Variants in TMCC1 observed in about 807,000 individuals in gnomAD.
The protein encoded by TMCC1 is transmembrane and coiled-coil domain family 1, also known as transmembrane and coiled-coil domains protein 1.
TMCC1 carries 15 observed loss-of-function variants against 52.4 expected under a neutral mutation model. The observed-to-expected ratio is 0.29, with a 90% confidence interval of 0.19 to 0.44. The LOEUF is 0.44. Among genes scored for constraint, TMCC1 ranks in the 20% least tolerant of loss-of-function variants. TMCC1 has a pLI of 1.00. For missense variants in TMCC1, 503 were observed against 806.0 expected, an observed-to-expected ratio of 0.62 and a Z score of 4.55; for synonymous variants, 279 against 301.9, an observed-to-expected ratio of 0.92 and a Z score of 0.79.
chr3:129,681,448 C>T (rs566573931), intron 4 of TMCC1, among the ~76,000 whole-genome samples: 167 of 150,702 alleles, frequency 1.1e-3, no homozygotes, highest in Non-Finnish European at 2.1e-3. Context: ...AAGTAGTCAA[C>T]GTTTTTTTTT....
In TMCC1 at chr3:129,660,432, C is replaced by T. The variant is rs776807692; in HGVS notation, c.1512-5329G>A. ...CCTCCCAAAGTGCTGGGATTACAGGCATGAGCCACTGTCCATGGCCTTAAG... is the reference window on the plus strand; with the variant it reads ...CCTCCCAAAGTGCTGGGATTACAGGTATGAGCCACTGTCCATGGCCTTAAG... On this transcript the variant is annotated intron_variant, in intron 5 of 6. Coordinates refer to ENST00000393238, the MANE Select transcript of TMCC1 (RefSeq NM_001017395.5). Among the ~76,000 whole-genome samples the T allele has an allele frequency of 2.6e-5, 4 of 152,320 alleles. No individual in the cohort carries two copies. The South Asian group carries it at 6.2e-4, about 24-fold the overall frequency.
In TMCC1 at chr3:129,766,578, T is replaced by A. The variant is rs920799544; in HGVS notation, c.576+61225A>T. 6.6e-5 allele frequency among the ~76,000 whole-genome samples: 10 copies of A among 152,340 alleles called. 1 individual carries two copies. In the East Asian group the frequency reaches 1.5e-3, roughly 24 times the overall value. On this transcript the variant is annotated intron_variant, in intron 4 of 6. Coordinates refer to ENST00000393238, the MANE Select transcript of TMCC1 (RefSeq NM_001017395.5). ...AAATCAAATGGTTATTTAGATTGTA[T>A]GACAATGCTCACTATTTAAACAAAT...
At chr3:129,764,218 A>G (rs1317823640) in intron 4 of TMCC1, among the ~76,000 whole-genome samples, 2 of 152,232 alleles carry the variant, frequency 1.3e-5, no homozygotes, top group African/African-American at 2.4e-5. Context: ...CATACATAGA[A>G]GGACAGCAGC....
At chr3:129,727,019 TTTCTG>T (rs1429948465) in intron 4 of TMCC1, among the ~76,000 whole-genome samples, 1 of 151,952 alleles carries the variant, frequency 6.6e-6, no homozygotes, top group African/African-American at 2.4e-5. Flanking sequence ...TGATTCTCCA[TTTCTG>T]TTCTTTCTAC....
At chr3:129,830,734 G>A (rs1446701316) in intron 3 of TMCC1, among the ~76,000 whole-genome samples, 1 of 152,162 alleles carries the variant, frequency 6.6e-6, no homozygotes, top group Non-Finnish European at 1.5e-5. Context: ...TGATGTCAAG[G>A]TTAGCTGAGG....
intron 4 of TMCC1, among the ~76,000 whole-genome samples, chr3:129,810,722 T>C (rs1291127210): frequency 6.6e-6 from 1 of 152,242 alleles, no homozygotes; most frequent in Non-Finnish European, 1.5e-5. Context: ...GAAGGAAGCT[T>C]ATCAAAGCAA....
chr3:129,844,916 A>AT (rs1405803416), intron 2 of TMCC1, among the ~76,000 whole-genome samples: 1 of 152,216 alleles, frequency 6.6e-6, no homozygotes, highest in East Asian at 1.9e-4. Context: ...AAGGATGTCT[A>AT]TAAGGGTCAG....
intron 2 of TMCC1, among the ~76,000 whole-genome samples, chr3:129,851,870 C>T (rs1206704762): frequency 1.3e-5 from 2 of 152,166 alleles, no homozygotes; most frequent in Non-Finnish European, 2.9e-5. Flanking sequence ...AAAAAAATTG[C>T]CAGGCGTGGT....
intron 5 of TMCC1, among the ~76,000 whole-genome samples, chr3:129,665,597 AC>A (rs2087386981): frequency 6.6e-6 from 1 of 152,228 alleles, no homozygotes. Context: ...GTAAACATTT[AC>A]TTCAACTTGG....
chr3:129,828,234 C>A lies in TMCC1; in HGVS notation c.145G>T (p.Gly49Cys). ...HNALENINVIGQGLKHLFQHQ... is the reference protein window; with the variant it reads ...HNALENINVICQGLKHLFQHQ... ...TGGAAGAGATGCTTCAAGCCTTGGCCAATCACGTTAATGTTCTCCAAAGCA... is the reference window on the plus strand; with the variant it reads ...TGGAAGAGATGCTTCAAGCCTTGGCAAATCACGTTAATGTTCTCCAAAGCA... The change falls in exon 4 of 7, where the codon GGC becomes TGC. Residue 49 changes from glycine (G) to cysteine (C), a missense_variant. Gly to Cys is a radical substitution (Grantham distance 159, BLOSUM62 -3). Around this residue, in one of 7 missense-constraint regions of TMCC1, gnomAD observed 217 missense variants for 297.9 expected, o/e 0.73. Coordinates refer to ENST00000393238, the MANE Select transcript of TMCC1 (RefSeq NM_001017395.5). The surrounding 1 kb of genome is among the most constrained non-coding windows in gnomAD (Gnocchi z 4.1). The A allele has an allele frequency of 6.2e-7, 1 of 1,614,152 alleles. No individual in the cohort carries two copies. Among genetic ancestry groups the A allele is most frequent in the Non-Finnish European group, 8.5e-7 (1 of 1,180,022 alleles).
intron 4 of TMCC1, among the ~76,000 whole-genome samples, chr3:129,781,818 C>T (rs755995448): frequency 7.2e-5 from 11 of 151,904 alleles, no homozygotes; most frequent in Non-Finnish European, 7.4e-5. Flanking sequence ...TAAGCAAGAA[C>T]GGATGCTGGG....
At chr3:129,754,092 G>A (rs907914395) in intron 4 of TMCC1, among the ~76,000 whole-genome samples, 1 of 152,138 alleles carries the variant, frequency 6.6e-6, no homozygotes, top group African/African-American at 2.4e-5. Flanking sequence ...CCAGCAATGA[G>A]CAACTGAAAT....
intron 4 of TMCC1, among the ~76,000 whole-genome samples, chr3:129,709,520 AATC>A (rs1175257816): frequency 6.8e-6 from 1 of 147,176 alleles, no homozygotes. Flanking sequence ...AGAAACTTTA[AATC>A]ATCAAGGCTA....
rs374092103 is a variant in TMCC1, at chr3:129,683,719, AC to A, written c.577-12456del. On this transcript the variant is annotated intron_variant, in intron 4 of 6. Transcript: ENST00000393238. ...ATTGTGCCCAATAGTTAATTTTTCA[AC>A]CCCCACCGCCCCACCACCATCCATC... is the stretch of plus-strand genomic sequence containing the variant. 4.1e-4 allele frequency among the ~76,000 whole-genome samples: 62 copies of A among 151,904 alleles called. 1 individual carries two copies. Among genetic ancestry groups the A allele is most frequent in the African/African-American group, 1.4e-3 (58 of 41,436 alleles).
At chr3:129,795,897 C>T (rs1007599140) in intron 4 of TMCC1, among the ~76,000 whole-genome samples, 1 of 152,172 alleles carries the variant, frequency 6.6e-6, no homozygotes, top group Admixed American at 6.5e-5. Flanking sequence ...ATTCAAATAA[C>T]CCTTATTTTA....
At chr3:129,823,650 A>G (rs2058526642) in intron 4 of TMCC1, among the ~76,000 whole-genome samples, 1 of 152,142 alleles carries the variant, frequency 6.6e-6, no homozygotes, top group Admixed American at 6.5e-5. Context: ...AAACAAACAA[A>G]AAAACAGTCT....
chr3:129,884,406 T>C (rs777725600), intron 1 of TMCC1, among the ~76,000 whole-genome samples: 21 of 152,080 alleles, frequency 1.4e-4, no homozygotes, highest in Admixed American at 6.6e-5. Flanking sequence ...GACGGGAGGA[T>C]CACTTGAGCC....
At chr3:129,790,232 C>T (rs894065658) in intron 4 of TMCC1, among the ~76,000 whole-genome samples, 1 of 152,180 alleles carries the variant, frequency 6.6e-6, no homozygotes, top group Non-Finnish European at 1.5e-5. Flanking sequence ...CCAAACTGAG[C>T]TAACTATTCA....
intron 4 of TMCC1, among the ~76,000 whole-genome samples, chr3:129,678,265 T>C (rs146957423): frequency 1.2e-3 from 179 of 151,766 alleles, no homozygotes; most frequent in African/African-American, 3.7e-3. Flanking sequence ...ATCCACTTAA[T>C]AACAACATTA....
Sources: gnomAD v4.1 joint callset for allele counts (sites outside exome capture counted in the v4.1 genomes callset) on GRCh38, gnomAD v4.1.1 for gene constraint, gnomAD v4.1.1 regional missense constraint, Gnocchi (gnomAD v3.1) non-coding constraint, MANE v1.5 for transcripts, NCBI Gene and HGNC (gene_info 2026-07-23, HGNC 2026-07-21) for gene names.